The following AHDC1 variants were observed in gnomAD, a reference collection of about 807,000 sequenced individuals.
AHDC1 encodes transcription factor Gibbin.
In AHDC1, 7 loss-of-function variants were observed where a neutral mutation model predicts 87.9. The ratio of observed to expected loss-of-function variants is 0.08; its 90% CI spans 0.05 to 0.15. The LOEUF is 0.15. Ranked by LOEUF, AHDC1 falls within the 10% of genes least tolerant of loss-of-function variation. The pLI is 1.00. For synonymous variants in AHDC1, 1,051 were observed against 1,006.8 expected, an observed-to-expected ratio of 1.04 and a Z score of -0.83; for missense variants, 1,841 against 2,253.2, an observed-to-expected ratio of 0.82 and a Z score of 3.70.
intron 3 of AHDC1, among the ~76,000 whole-genome samples, chr1:27,570,327 G>A (rs1001809336): frequency 2.0e-5 from 3 of 149,376 alleles, no homozygotes; most frequent in African/African-American, 5.0e-5. Flanking sequence ...CCAGACCATC[G>A]CCCCCCACCC....
chr1:27,552,109 C>T lies in AHDC1; in HGVS notation c.7G>A (p.Val3Met). Residue 3 changes from valine to methionine, a missense_variant, in exon 8 of 9, where the codon GTG becomes ATG. Val to Met is a conservative substitution (Grantham distance 21). Transcript: ENST00000673934. ...GTCACCACCAGGCCCTGGGGCTTCA[C>T]ACGCATCCTGACCTTGTCCTCCGCA... The part of the protein sequence containing the change: MR[V>M]KPQGLVVTSS... 1 of 1,460,210 alleles carries T rather than the reference C, an allele frequency of 6.8e-7. No individual in the cohort carries two copies. Among genetic ancestry groups the T allele is most frequent in the Non-Finnish European group, 9.0e-7 (1 of 1,106,922 alleles). The allele number at this position is 1,460,210 out of a possible 1,614,324, so 90.5% of individuals were successfully genotyped here. A position where few individuals can be genotyped will look rare whatever the true frequency, so the allele number is the denominator to read the frequency against.
chr1:27,538,715 A>G (rs1001569590), intron 8 of AHDC1, among the ~76,000 whole-genome samples: 10 of 152,042 alleles, frequency 6.6e-5, no homozygotes, highest in African/African-American at 2.2e-4. Context: ...AGGTTCCATC[A>G]TGTTGCCCAG....
At position 27,560,200 on chromosome 1, in the gene AHDC1, T is replaced by TTGTGTGTG. The variant is rs10623052; in HGVS notation, c.-628-1325_-628-1318dup. On this transcript the variant is annotated intron_variant, in intron 3 of 8. Coordinates refer to ENST00000673934, the MANE Select transcript of AHDC1 (RefSeq NM_001371928.1). This position sits in a 1 kb window ranked among gnomAD's most constrained non-coding sequence, Gnocchi z 4.1. ...CTTTTCACGTTTATTTCTATTCGTTTTGTGTGTGTGTGTGTGTGTGTGTGA... is the reference window on the plus strand; with the variant it reads ...CTTTTCACGTTTATTTCTATTCGTTTTGTGTGTGTGTGTGTGTGTGTGTGTGTGTGTGA... Among the ~76,000 whole-genome samples, 41 of 148,520 alleles carry TTGTGTGTG rather than the reference T, an allele frequency of 2.8e-4. 1 individual carries two copies. The highest frequency in any genetic ancestry group is 7.9e-4 in the East Asian group (4 of 5,054).
chr1:27,590,200 G>C lies in AHDC1; in HGVS notation c.-629+13197C>G, dbSNP rs1442075427. On this transcript the variant is annotated intron_variant, in intron 3 of 8. Coordinates refer to ENST00000673934, the MANE Select transcript of AHDC1 (RefSeq NM_001371928.1). This position sits in a 1 kb window ranked among gnomAD's most constrained non-coding sequence, Gnocchi z 5.4. ...CAAGATTCCTGGTGAGCAGGCTGCG[G>C]GGTTTGGCAGCGCGCCTGCTGGAGA... is the stretch of plus-strand genomic sequence containing the variant. Among the ~76,000 whole-genome samples the C allele has an allele frequency of 6.6e-6, 1 of 152,198 alleles. No homozygotes were observed. The highest frequency in any genetic ancestry group is 2.4e-5 in the African/African-American group (1 of 41,452).
At chr1:27,581,078 G>A (rs2088894536) in intron 3 of AHDC1, among the ~76,000 whole-genome samples, 1 of 152,038 alleles carries the variant, frequency 6.6e-6, no homozygotes, top group African/African-American at 2.4e-5. Flanking sequence ...CAGGTGATCT[G>A]TCCACCTCAG....
At position 27,551,829 on chromosome 1, in the gene AHDC1, C is replaced by T. The variant is rs144777795; in HGVS notation, c.287G>A (p.Arg96His). The change falls in exon 8 of 9, where the codon CGC (arginine) becomes CAC (histidine). Residue 96 changes from arginine to histidine, a missense_variant. Arg to His is a conservative substitution (Grantham distance 29). Around this residue, in one of 13 missense-constraint regions of AHDC1, gnomAD observed 142 missense variants for 165.6 expected, o/e 0.86. Transcript: ENST00000673934. Reference protein sequence around the residue: ...PRAARPVSQARCPTPVGDGSS... With the variant: ...PRAARPVSQAHCPTPVGDGSS... ...GCCGTCTCCGACCGGTGTGGGGCAG[C>T]GGGCCTGTGAGACAGGACGGGCTGC... 3.8e-5 allele frequency: 62 copies of T among 1,611,526 alleles called. No individual in the cohort carries two copies. In the African/African-American group the frequency reaches 6.0e-4, roughly 16 times the overall value.
chr1:27,537,298 C>T lies in AHDC1; in HGVS notation c.*44-2382G>A, dbSNP rs78540381. On this transcript the variant is annotated intron_variant, in intron 8 of 8. Coordinates refer to ENST00000673934, the MANE Select transcript of AHDC1 (RefSeq NM_001371928.1). ...GCAGAGACCAAGACCGATCTGGTTC[C>T]TGTCTTTGAGAGGCTCACAGATAGA... Among the ~76,000 whole-genome samples the T allele has an allele frequency of 5.5e-3, 830 of 152,266 alleles. 5 individuals are homozygous for T. Among genetic ancestry groups the T allele is most frequent in the Middle Eastern group, 6.8e-3 (2 of 294 alleles).
chr1:27,598,404 C>T lies in AHDC1; in HGVS notation c.-629+4993G>A, dbSNP rs1418157441. On this transcript the variant is annotated intron_variant, in intron 3 of 8. Coordinates refer to ENST00000673934, the MANE Select transcript of AHDC1 (RefSeq NM_001371928.1). This position sits in a 1 kb window ranked among gnomAD's most constrained non-coding sequence, Gnocchi z 4.2. ...CCCTGCAGGAGAGGGATCCTTGATGCCCACCTTCCTCATCCCCTGGCCAAT... is the reference window on the plus strand; with the variant it reads ...CCCTGCAGGAGAGGGATCCTTGATGTCCACCTTCCTCATCCCCTGGCCAAT... Among the ~76,000 whole-genome samples, 1 of 152,190 alleles carries T rather than the reference C, an allele frequency of 6.6e-6. No individual in the cohort carries two copies. Among genetic ancestry groups the T allele is most frequent in the Non-Finnish European group, 1.5e-5 (1 of 68,012 alleles).
In AHDC1 at chr1:27,595,608, A is replaced by G. The variant is rs1024240425; in HGVS notation, c.-629+7789T>C. Among the ~76,000 whole-genome samples the G allele has an allele frequency of 4.0e-5, 6 of 150,842 alleles. No individual in the cohort carries two copies. The highest frequency in any genetic ancestry group is 1.2e-4 in the African/African-American group (5 of 40,826). On this transcript the variant is annotated intron_variant, in intron 3 of 8. Transcript: ENST00000673934. The surrounding 1 kb of genome is among the most constrained non-coding windows in gnomAD (Gnocchi z 4.0). ...AGGATGCACTGTGGTTTTGGGGAGG[A>G]GCTGGGGAGTGTCTCTGGAAAGGTT...
intron 8 of AHDC1, among the ~76,000 whole-genome samples, chr1:27,546,318 C>T (rs2019166246): frequency 6.6e-6 from 1 of 150,874 alleles, no homozygotes; most frequent in East Asian, 1.9e-4. Flanking sequence ...ATTTTGGGGG[C>T]ATTTTCTGTC....
At chr1:27,582,307 T>C (rs2088931199) in intron 3 of AHDC1, among the ~76,000 whole-genome samples, 1 of 152,232 alleles carries the variant, frequency 6.6e-6, no homozygotes, top group Non-Finnish European at 1.5e-5. Context: ...ACACTGTCCT[T>C]ATCTATAAAA....
chr1:27,592,051 C>T (rs371379139), intron 3 of AHDC1, among the ~76,000 whole-genome samples: 1 of 152,178 alleles, frequency 6.6e-6, no homozygotes, highest in Non-Finnish European at 1.5e-5. Flanking sequence ...AAGGGCCAGC[C>T]GAATTCCTCG....
chr1:27,547,156 C>G lies in AHDC1; in HGVS notation c.*43+105G>C. ...TCAGTCCCCAGCCTTGCCCTTAAAT[C>G]CTGCATTTGCTTCCTGCACTCCATA... is the stretch of plus-strand genomic sequence containing the variant. On this transcript the variant is annotated intron_variant, in intron 8 of 8. Transcript: ENST00000673934. This position sits in a 1 kb window ranked among gnomAD's most constrained non-coding sequence, Gnocchi z 4.9. 1 of 788,110 alleles carries G rather than the reference C, an allele frequency of 1.3e-6. No homozygotes were observed. The highest frequency in any genetic ancestry group is 1.9e-6 in the Non-Finnish European group (1 of 517,956). 48.8% of individuals were successfully genotyped at this position (788,110 alleles called of 1,614,324 possible). A position where few individuals can be genotyped will look rare whatever the true frequency, so the allele number is the denominator to read the frequency against.
chr1:27,594,666 G>T lies in AHDC1; in HGVS notation c.-629+8731C>A, dbSNP rs72886328. Among the ~76,000 whole-genome samples the T allele has an allele frequency of 6.1e-3, 929 of 152,332 alleles. 20 individuals are homozygous for T. The highest frequency in any genetic ancestry group is 0.021 in the African/African-American group (884 of 41,548). ...CCAGGCAGAGGAGGCTCTGGGAAGA[G>T]CGGGAGGCCTGGGCAGCAGAGAGAG... On this transcript the variant is annotated intron_variant, in intron 3 of 8. Coordinates refer to ENST00000673934, the MANE Select transcript of AHDC1 (RefSeq NM_001371928.1).
intron 3 of AHDC1, among the ~76,000 whole-genome samples, chr1:27,583,088 G>C (rs1257905196): frequency 6.6e-6 from 1 of 152,086 alleles, no homozygotes; most frequent in Admixed American, 6.5e-5. Flanking sequence ...GGCTGGTTTC[G>C]AACTCCTGAC....
chr1:27,551,535 C>T lies in AHDC1; in HGVS notation c.581G>A (p.Ser194Asn). 6.2e-7 allele frequency: 1 copy of T among 1,605,048 alleles called. No homozygotes were observed. The change falls in exon 8 of 9, where the codon AGC becomes AAC. Residue 194 changes from serine (S) to asparagine (N), a missense_variant. Physicochemically the swap from Ser to Asn is conservative, Grantham distance 46. Around this residue, in one of 13 missense-constraint regions of AHDC1, gnomAD observed 370 missense variants for 391.5 expected, o/e 0.95. Transcript: ENST00000673934. ...ATPHAKSERP[S>N]HPLYEPEPEP... ...AGGCTCAGGCTCGTAGAGGGGATGG[C>T]TGGGCCGCTCCGACTTGGCGTGTGG... is the stretch of plus-strand genomic sequence containing the variant.
Position 27,549,606 on chromosome 1 carries a change from G to C in AHDC1, c.2510C>G (p.Thr837Ser), listed in dbSNP as rs1040793578. 5.0e-6 allele frequency: 8 copies of C among 1,613,092 alleles called. No individual in the cohort carries two copies. The highest frequency in any genetic ancestry group is 6.8e-6 in the Non-Finnish European group (8 of 1,180,028). ...ATCGAGCAGCGAGCGAAAGTAGCCGGTGAAGAGGTTTTGGCGCTCCTGGCT... is the reference window on the plus strand; with the variant it reads ...ATCGAGCAGCGAGCGAAAGTAGCCGCTGAAGAGGTTTTGGCGCTCCTGGCT... ...ELSQERQNLF[T>S]GYFRSLLDSD... is the part of the protein sequence containing the mutation. The change falls in exon 8 of 9, where the codon ACC becomes AGC. Residue 837 changes from threonine to serine, a missense_variant. Around this residue, in one of 13 missense-constraint regions of AHDC1, gnomAD observed 8 missense variants for 28.5 expected, o/e 0.28. Coordinates refer to ENST00000673934, the MANE Select transcript of AHDC1 (RefSeq NM_001371928.1).
At chr1:27,538,400 CAAAAAA>C (rs370786800) in intron 8 of AHDC1, among the ~76,000 whole-genome samples, 1 of 60,704 alleles carries the variant, frequency 1.6e-5, no homozygotes, top group African/African-American at 5.2e-5. Context: ...AAGACTGTCT[CAAAAAA>C]AAAAAAAAAA....
At chr1:27,566,069 C>T (rs575439833) in intron 3 of AHDC1, among the ~76,000 whole-genome samples, 1 of 152,298 alleles carries the variant, frequency 6.6e-6, no homozygotes, top group East Asian at 1.9e-4. Flanking sequence ...CCCCAATCTT[C>T]ATAGGCCTGG....
Sources: allele counts gnomAD v4.1 joint callset (sites outside exome capture counted in the v4.1 genomes callset), GRCh38; gene constraint gnomAD v4.1.1; regional missense constraint gnomAD v4.1.1; non-coding constraint Gnocchi (gnomAD v3.1); transcripts MANE v1.5; gene names NCBI Gene and HGNC (gene_info 2026-07-23, HGNC 2026-07-21).